The following PABPC4L variants were observed in gnomAD, a reference collection of about 807,000 sequenced individuals.
PABPC4L encodes poly(A) binding protein cytoplasmic 4 like.
For missense variants in PABPC4L, 452 were observed against 451.4 expected, an observed-to-expected ratio of 1.00 and a Z score of -0.01; for synonymous variants, 169 against 164.1, an observed-to-expected ratio of 1.03 and a Z score of -0.23.
chr4:134,124,574 T>C, the PABPC4L span, among the ~76,000 whole-genome samples: 1 of 152,138 alleles, frequency 6.6e-6, no homozygotes, highest in Non-Finnish European at 1.5e-5. Context: ...TAAATTTACA[T>C]TTCTTTCTAT....
At chr4:134,056,189 T>C in the PABPC4L span, among the ~76,000 whole-genome samples, 6 of 152,026 alleles carry the variant, frequency 3.9e-5, no homozygotes, top group African/African-American at 9.7e-5. Flanking sequence ...GATCTGAGTG[T>C]TTATCCTCTC....
chr4:134,187,120 C>A, the PABPC4L span, among the ~76,000 whole-genome samples: 27 of 151,886 alleles, frequency 1.8e-4, no homozygotes, highest in Non-Finnish European at 4.0e-4. Flanking sequence ...TCAACCATTG[C>A]GGAAGACAGT....
the PABPC4L span, among the ~76,000 whole-genome samples, chr4:134,180,057 T>A: frequency 6.6e-6 from 1 of 152,024 alleles, no homozygotes; most frequent in Non-Finnish European, 1.5e-5. Context: ...CTAATACACA[T>A]CAACAGGACT....
the PABPC4L span, among the ~76,000 whole-genome samples, chr4:133,983,304 A>G: frequency 6.6e-6 from 1 of 151,912 alleles, no homozygotes; most frequent in Non-Finnish European, 1.5e-5. Context: ...AGGTAATAAC[A>G]TCTATATATA....
chr4:133,949,255 CATAA>C, the PABPC4L span, among the ~76,000 whole-genome samples: 1 of 152,182 alleles, frequency 6.6e-6, no homozygotes, highest in Non-Finnish European at 1.5e-5. Context: ...CATTTCAGAA[CATAA>C]ATATTTGTCT....
At chr4:134,118,814 C>A in the PABPC4L span, among the ~76,000 whole-genome samples, 1 of 151,718 alleles carries the variant, frequency 6.6e-6, no homozygotes, top group Non-Finnish European at 1.5e-5. Context: ...TTACCATCTG[C>A]TTTTAAAGAA....
At chr4:134,032,664 T>C in the PABPC4L span, among the ~76,000 whole-genome samples, 1 of 151,826 alleles carries the variant, frequency 6.6e-6, no homozygotes, top group Admixed American at 6.6e-5. Context: ...GTATGCTTGA[T>C]ATATAGGTTT....
the PABPC4L span, among the ~76,000 whole-genome samples, chr4:133,972,657 G>A: frequency 6.6e-6 from 1 of 152,166 alleles, no homozygotes; most frequent in South Asian, 2.1e-4. Context: ...GGACTGCCAT[G>A]GCAAATCATA....
the PABPC4L span, among the ~76,000 whole-genome samples, chr4:134,125,894 A>T: frequency 2.0e-5 from 3 of 152,154 alleles, no homozygotes; most frequent in Admixed American, 1.3e-4. Context: ...ATACATTCAC[A>T]CACAGAGCTA....
chr4:134,090,350 A>AT, the PABPC4L span, among the ~76,000 whole-genome samples: 191 of 152,058 alleles, frequency 1.3e-3, no homozygotes, highest in African/African-American at 4.3e-3. Flanking sequence ...TAATAGTTTC[A>AT]TTTTTTTTAA....
At chr4:133,966,930 A>G in the PABPC4L span, among the ~76,000 whole-genome samples, 9 of 152,296 alleles carry the variant, frequency 5.9e-5, no homozygotes, top group African/African-American at 1.9e-4. Context: ...GGTGAAAGAA[A>G]TGTACCTTGA....
At chr4:134,130,926 A>T in the PABPC4L span, among the ~76,000 whole-genome samples, 4 of 152,178 alleles carry the variant, frequency 2.6e-5, no homozygotes, top group Non-Finnish European at 5.9e-5. Flanking sequence ...CATAAATAGA[A>T]TTAAAAACAA....
chr4:134,017,985 T>C, the PABPC4L span, among the ~76,000 whole-genome samples: 1 of 152,100 alleles, frequency 6.6e-6, no homozygotes, highest in Non-Finnish European at 1.5e-5. Context: ...GTCAGGCCTC[T>C]GAGCCCAAGC....
chr4:133,952,425 T>C, the PABPC4L span, among the ~76,000 whole-genome samples: 8 of 152,142 alleles, frequency 5.3e-5, no homozygotes, highest in Non-Finnish European at 8.8e-5. Context: ...ATGGTGAGTT[T>C]GGACACTTTG....
At chr4:133,958,760 A>G in the PABPC4L span, among the ~76,000 whole-genome samples, 3 of 152,196 alleles carry the variant, frequency 2.0e-5, no homozygotes, top group Non-Finnish European at 4.4e-5. Context: ...TCTTTTGAGA[A>G]TTCACTTACT....
chr4:134,094,420 T>G, the PABPC4L span, among the ~76,000 whole-genome samples: 7 of 151,730 alleles, frequency 4.6e-5, no homozygotes, highest in South Asian at 2.1e-4. Flanking sequence ...TTAGCTGTAG[T>G]TATATACTCT....
At chr4:134,128,206 A>C in the PABPC4L span, among the ~76,000 whole-genome samples, 1 of 152,296 alleles carries the variant, frequency 6.6e-6, no homozygotes, top group Non-Finnish European at 1.5e-5. Flanking sequence ...CCCAAGGAAG[A>C]AAATGTATCT....
chr4:134,068,108 C>T, the PABPC4L span, among the ~76,000 whole-genome samples: 9 of 152,170 alleles, frequency 5.9e-5, no homozygotes, highest in East Asian at 1.9e-4. Flanking sequence ...TTTCTAATAA[C>T]GTTAGTGGAG....
chr4:133,966,333 G>A, the PABPC4L span, among the ~76,000 whole-genome samples: 1 of 151,860 alleles, frequency 6.6e-6, no homozygotes, highest in Non-Finnish European at 1.5e-5. Context: ...CTGGATGCCA[G>A]GGAACACTTC....
Sources: allele counts gnomAD v4.1 joint callset (sites outside exome capture counted in the v4.1 genomes callset), GRCh38; gene constraint gnomAD v4.1.1; transcripts MANE v1.5; gene names NCBI Gene and HGNC (gene_info 2026-07-23, HGNC 2026-07-21).